GSS: variants seen among roughly 807,000 people sequenced by gnomAD.
The protein encoded by GSS is glutathione synthetase.
A neutral mutation model predicts 60.4 loss-of-function variants in GSS; 34 were observed. The ratio of observed to expected loss-of-function variants is 0.56; its 90% CI spans 0.43 to 0.75. The LOEUF (loss-of-function observed/expected upper bound fraction) is 0.75, where lower values mean the gene tolerates loss of function less well. GSS is among the 30% of genes least tolerant of loss of function. The pLI is 0.00. For synonymous variants in GSS, 224 were observed against 239.0 expected (o/e 0.94, Z 0.58); for missense variants, 499 against 595.1 (o/e 0.84, Z 1.68).
At chr20:34,930,636 T>C (rs1469806879) in intron 11 of GSS, among the ~76,000 whole-genome samples, 1 of 152,222 alleles carries the variant, frequency 6.6e-6, no homozygotes, top group African/African-American at 2.4e-5. Flanking sequence ...CTGTAAGTTT[T>C]GCAAGTTCCC....
chr20:34,943,110 G>A (rs2081497294), intron 3 of GSS, 104 bp from the exon 4 acceptor site: 4 of 778,914 alleles, frequency 5.1e-6, no homozygotes, highest in Non-Finnish European at 9.1e-6. Flanking sequence ...GAGTCTACTG[G>A]CCAAAACTTG....
intron 6 of GSS, among the ~76,000 whole-genome samples, chr20:34,938,524 C>T (rs1387452853): frequency 6.6e-6 from 1 of 152,084 alleles, no homozygotes; most frequent in Non-Finnish European, 1.5e-5. Context: ...GTCCTAAGGG[C>T]CAATGGCTTT....
intron 3 of GSS, among the ~76,000 whole-genome samples, chr20:34,943,416 T>C (rs1223879943): frequency 6.6e-6 from 1 of 152,218 alleles, no homozygotes; most frequent in African/African-American, 2.4e-5. Context: ...TGGCAAGCCT[T>C]CTGGTTGACC....
chr20:34,947,980 C>A (rs1246029302), intron 2 of GSS, among the ~76,000 whole-genome samples: 4 of 135,656 alleles, frequency 2.9e-5, no homozygotes, highest in Non-Finnish European at 6.2e-5. Context: ...TGGGGTCTTA[C>A]TATGTTGCCC....
rs2147122502 is a variant in GSS, at chr20:34,932,089, C to T, written c.879G>A (p.Lys293=). 6.2e-7 allele frequency: 1 copy of T among 1,614,182 alleles called. No homozygotes were observed. The highest frequency in any genetic ancestry group is 2.2e-5 in the East Asian group (1 of 44,880). ...RLLLERSHAA[K]CPDIATQLAG... is the part of the protein sequence containing the mutation. ...CCAGCTGGGTGGCAATGTCTGGGCA[C>T]TTGGCAGCATGTGACCTCTCCAGCA... is the stretch of plus-strand genomic sequence containing the variant. The change falls in exon 10 of 13, where the codon AAG becomes AAA. Residue 293 remains lysine, a synonymous_variant. Coordinates refer to ENST00000651619, the MANE Select transcript of GSS (RefSeq NM_000178.4).
At chr20:34,946,188 T>C in intron 2 of GSS, 90 bp from the exon 3 acceptor site, 1 of 1,116,068 alleles carries the variant, frequency 9.0e-7, no homozygotes, top group Non-Finnish European at 1.3e-6. Context: ...AAGTCTGGCC[T>C]ATATTTACTG....
rs1355062927 is a variant in GSS, at chr20:34,928,866, C to T, written c.1387G>A (p.Ala463Thr). Reference protein sequence around the residue: ...AIEHADGGVAAGVAVLDNPYP... With the variant: ...AIEHADGGVATGVAVLDNPYP... ...GGGTTGTCCAGGACTGCCACTCCCG[C>T]TGCCACACCACCATCTGCATGCTCG... The change falls in exon 13 of 13, where the codon GCG (alanine) becomes ACG (threonine). Residue 463 changes from alanine (A) to threonine (T), a missense_variant. Ala to Thr is a moderately conservative substitution (Grantham distance 58, BLOSUM62 0). Coordinates refer to ENST00000651619, the MANE Select transcript of GSS (RefSeq NM_000178.4). 3 of 1,613,938 alleles carry T rather than the reference C, an allele frequency of 1.9e-6. No homozygotes were observed. Among genetic ancestry groups the T allele is most frequent in the Non-Finnish European group, 2.5e-6 (3 of 1,180,018 alleles).
intron 6 of GSS, among the ~76,000 whole-genome samples, 191 bp from the exon 7 acceptor site, chr20:34,937,214 G>T (rs2081448006): frequency 1.3e-5 from 2 of 152,148 alleles, no homozygotes. Context: ...TATCACATAT[G>T]ATTTCCTGAA....
At chr20:34,940,465 C>G (rs2081473900) in intron 6 of GSS, among the ~76,000 whole-genome samples, 3 of 152,156 alleles carry the variant, frequency 2.0e-5, no homozygotes, top group South Asian at 2.1e-4. Flanking sequence ...GAGAGGCTCC[C>G]TTGGAGGTAA....
In GSS at chr20:34,942,977, C is replaced by T. The variant is rs200243883; in HGVS notation, c.305G>A (p.Arg102His). Residue 102 changes from arginine (R) to histidine (H), a missense_variant, in exon 4 of 13, where the codon CGT becomes CAT. Physicochemically the swap from Arg to His is conservative, Grantham distance 29. Transcript: ENST00000651619. ...STIKQDDFTA[R>H]LFDIHKQVLK... ...GACTTGCTTGTGGATGTCAAAGAGA[C>T]GAGCGGTAAAGTCATCCTGTTTGAT... is the stretch of plus-strand genomic sequence containing the variant. 1.2e-4 allele frequency: 186 copies of T among 1,612,214 alleles called. 3 individuals carry two copies. Among genetic ancestry groups the T allele is most frequent in the South Asian group, 2.9e-4 (26 of 90,666 alleles).
At chr20:34,938,695 C>G (rs559108212) in intron 6 of GSS, among the ~76,000 whole-genome samples, 160 of 152,286 alleles carry the variant, frequency 1.1e-3, no homozygotes, top group African/African-American at 3.7e-3. Flanking sequence ...ATTAAGTCAG[C>G]CTGCCAACTG....
chr20:34,934,896 T>C (rs2081429278), intron 9 of GSS, among the ~76,000 whole-genome samples: 1 of 152,220 alleles, frequency 6.6e-6, no homozygotes, highest in Non-Finnish European at 1.5e-5. Flanking sequence ...TATTTCCTCC[T>C]TTATCATCTC....
intron 4 of GSS, 98 bp from the exon 5 acceptor site, chr20:34,942,725 T>C: frequency 8.0e-7 from 1 of 1,245,756 alleles, no homozygotes; most frequent in Non-Finnish European, 1.2e-6. Context: ...ACACAGAGAT[T>C]AGAGGTACCA....
rs190932131 is a variant in GSS, at chr20:34,953,339, T to G, written c.-8-1479A>C. 1.2e-3 allele frequency among the ~76,000 whole-genome samples: 188 copies of G among 152,358 alleles called. 1 individual carries two copies. The highest frequency in any genetic ancestry group is 4.3e-3 in the African/African-American group (180 of 41,592). On this transcript the variant is annotated intron_variant, in intron 1 of 12. Transcript: ENST00000651619. ...CAGTGCCAGGCCAATTATGAAAGTC[T>G]GCCAGCCTCAGCACAATGCTTTGAA...
Position 34,937,004 on chromosome 20 carries a change from C to T in GSS, c.628G>A (p.Ala210Thr), listed in dbSNP as rs2081446189. 6.2e-7 allele frequency: 1 copy of T among 1,613,516 alleles called. No individual in the cohort carries two copies. Among genetic ancestry groups the T allele is most frequent in the Non-Finnish European group, 8.5e-7 (1 of 1,179,778 alleles). Reference sequence around the variant, plus strand: ...AATATGTTTCTTTCCTTCTCTTGAGCAATCAGTAGCACCAGAGCACTGGGG... The same window carrying T: ...AATATGTTTCTTTCCTTCTCTTGAGTAATCAGTAGCACCAGAGCACTGGGG... ...GSPNALVLLI[A>T]QEKERNIFDQ... is the part of the protein sequence containing the mutation. The change falls in exon 7 of 13, where the codon GCT becomes ACT. Residue 210 changes from alanine to threonine, a missense_variant. Physicochemically the swap from Ala to Thr is moderately conservative, Grantham distance 58 (BLOSUM62 0). Transcript: ENST00000651619.
chr20:34,939,032 GGAGTTTGA>G (rs949062886), intron 6 of GSS, among the ~76,000 whole-genome samples: 1 of 152,122 alleles, frequency 6.6e-6, no homozygotes, highest in Non-Finnish European at 1.5e-5. Flanking sequence ...CCTGAGGTCG[GGAGTTTGA>G]GACCAGCCTG....
At chr20:34,941,991 G>A (rs2081486788) in intron 5 of GSS, among the ~76,000 whole-genome samples, 162 bp from the exon 6 acceptor site, 1 of 152,078 alleles carries the variant, frequency 6.6e-6, no homozygotes, top group Non-Finnish European at 1.5e-5. Context: ...GGAATATGCT[G>A]GGCTGCCCTA....
At chr20:34,944,342 G>T (rs906017674) in intron 3 of GSS, among the ~76,000 whole-genome samples, 3 of 152,192 alleles carry the variant, frequency 2.0e-5, no homozygotes, top group Non-Finnish European at 4.4e-5. Context: ...AAGCCAGGCT[G>T]CTCATGTTTC....
At chr20:34,931,625 C>A (rs1053483558) in intron 10 of GSS, 1 of 654,922 alleles carries the variant, frequency 1.5e-6, no homozygotes, top group Non-Finnish European at 2.8e-6. Flanking sequence ...CTTTCTTTAG[C>A]AACAGCTCAG....
Sources: gnomAD v4.1 joint callset for allele counts (sites outside exome capture counted in the v4.1 genomes callset) on GRCh38, gnomAD v4.1.1 for gene constraint, MANE v1.5 for transcripts, NCBI Gene and HGNC (gene_info 2026-07-23, HGNC 2026-07-21) for gene names.